Variants in GASK1A observed in about 807,000 individuals in gnomAD.
GASK1A encodes golgi associated kinase 1A.
Under a neutral mutation model 41.2 loss-of-function variants are expected in GASK1A, and 40 were observed. The ratio of observed to expected loss-of-function variants is 0.97; its 90% CI spans 0.75 to 1.27. The LOEUF is 1.27. Among genes scored for constraint, GASK1A ranks in the 50% most tolerant of loss-of-function variants. The probability of loss-of-function intolerance (pLI) is 0.00; values close to 1 mark genes in which losing one functional copy is unlikely to be tolerated. For missense variants in GASK1A, 678 were observed against 745.1 expected (o/e 0.91, Z 1.05); for synonymous variants, 316 against 307.1 (o/e 1.03, Z -0.30).
rs142037051 is a variant in GASK1A, at chr3:43,006,885, G to A, written c.4-25382G>A. On this transcript the variant is annotated intron_variant, in intron 1 of 4. Transcript: ENST00000430121. Reference sequence around the variant, plus strand: ...CAAGAAGCTGCATAAATTGAATTCAGGACCACTTGAATTTACCCACTGTCT... The same window carrying A: ...CAAGAAGCTGCATAAATTGAATTCAAGACCACTTGAATTTACCCACTGTCT... 5.0e-3 allele frequency among the ~76,000 whole-genome samples: 756 copies of A among 152,190 alleles called. 11 individuals are homozygous for A. The highest frequency in any genetic ancestry group is 0.017 in the African/African-American group (700 of 41,488).
At chr3:43,029,372 G>T (rs1399890289) in intron 1 of GASK1A, among the ~76,000 whole-genome samples, 1 of 152,148 alleles carries the variant, frequency 6.6e-6, no homozygotes, top group Non-Finnish European at 1.5e-5. Context: ...ACTGGGCAAT[G>T]GTGGTGTGTG....
chr3:43,003,853 TACCAGTAAA>T (rs2089421797), intron 1 of GASK1A, among the ~76,000 whole-genome samples: 1 of 152,256 alleles, frequency 6.6e-6, no homozygotes, highest in Non-Finnish European at 1.5e-5. Context: ...TCAGATTTTT[TACCAGTAAA>T]GGTGTATGAC....
At position 42,999,713 on chromosome 3, in the gene GASK1A, A is replaced by G. The variant is rs568567754; in HGVS notation, c.3+20068A>G. Among the ~76,000 whole-genome samples the G allele has an allele frequency of 4.6e-5, 7 of 152,332 alleles. No individual in the cohort carries two copies. The South Asian group carries it at 1.5e-3, about 32-fold the overall frequency. On this transcript the variant is annotated intron_variant, in intron 1 of 4. Transcript: ENST00000430121. ...GACGCACATCGAGTGGCTCAAAACA[A>G]CACAAATTTGTTCTCTATAGCTCTG...
chr3:43,053,676 C>T (rs1447576431), intron 3 of GASK1A, 33 bp downstream of exon 3: 1 of 1,551,368 alleles, frequency 6.4e-7, no homozygotes, highest in Admixed American at 2.0e-5. Flanking sequence ...CCTTGTCACC[C>T]CAGACCCAGG....
chr3:43,032,731 T>C lies in GASK1A; in HGVS notation c.468T>C (p.His156=), dbSNP rs1348653172. ...PGTKDLGHPQ[H]GSPIQETQSE... is the part of the protein sequence containing the mutation. ...CCAAAGACCTGGGCCACCCCCAGCA[T>C]GGCAGTCCCATCCAGGAGACACAGA... The change falls in exon 2 of 5, where the codon CAT becomes CAC. Residue 156 remains histidine (H), a synonymous_variant. Transcript: ENST00000430121. 1.3e-6 allele frequency: 2 copies of C among 1,551,474 alleles called. No individual in the cohort carries two copies. Among genetic ancestry groups the C allele is most frequent in the Middle Eastern group, 1.7e-4 (1 of 5,992 alleles).
chr3:43,053,780 AGTT>A, intron 3 of GASK1A, 137 bp downstream of exon 3: 1 of 1,020,186 alleles, frequency 9.8e-7, no homozygotes, highest in Non-Finnish European at 1.5e-6. Context: ...CAGCAGAACC[AGTT>A]GTTTGAATAT....
chr3:43,024,213 C>A (rs2089535281), intron 1 of GASK1A, among the ~76,000 whole-genome samples: 1 of 152,126 alleles, frequency 6.6e-6, no homozygotes, highest in South Asian at 2.1e-4. Flanking sequence ...TCTATATCAC[C>A]CATCTTCTTT....
intron 1 of GASK1A, among the ~76,000 whole-genome samples, chr3:42,998,185 G>A (rs749564926): frequency 2.0e-5 from 3 of 152,128 alleles, no homozygotes; most frequent in Non-Finnish European, 4.4e-5. Context: ...AGACGCAGCC[G>A]GGAGAACTCC....
chr3:43,008,900 C>T (rs2089449236), intron 1 of GASK1A, among the ~76,000 whole-genome samples: 1 of 152,170 alleles, frequency 6.6e-6, no homozygotes, highest in Admixed American at 6.5e-5. Flanking sequence ...GTTACCAGCC[C>T]ATCCACAGAT....
chr3:43,046,044 G>T (rs991843665), intron 2 of GASK1A, among the ~76,000 whole-genome samples: 1 of 152,154 alleles, frequency 6.6e-6, no homozygotes, highest in Non-Finnish European at 1.5e-5. Context: ...TATGAAAATG[G>T]ACTAATACAG....
intron 2 of GASK1A, chr3:43,037,050 T>C (rs578119): frequency 0.98 from 482,326 of 493,890 alleles, 236,395 homozygotes; most frequent in East Asian, 1. Context: ...TTCCAAGGTG[T>C]GAAAAATTAA....
intron 1 of GASK1A, among the ~76,000 whole-genome samples, chr3:43,005,842 T>A (rs889239305): frequency 6.6e-6 from 1 of 152,216 alleles, no homozygotes; most frequent in South Asian, 2.1e-4. Flanking sequence ...GTGTGATAAG[T>A]GCTTCATTAA....
intron 2 of GASK1A, among the ~76,000 whole-genome samples, chr3:43,047,400 C>T (rs1490134966): frequency 6.6e-6 from 1 of 152,194 alleles, no homozygotes; most frequent in Non-Finnish European, 1.5e-5. Flanking sequence ...TATTAGTAGC[C>T]TGAATGAGGA....
At chr3:42,985,580 T>TGG (rs2089304465) in intron 1 of GASK1A, among the ~76,000 whole-genome samples, 1 of 147,544 alleles carries the variant, frequency 6.8e-6, no homozygotes, top group Non-Finnish European at 1.5e-5. Context: ...TGTGTGTGTG[T>TGG]GTGTGTGGGC....
At chr3:43,010,490 C>T (rs2089458124) in intron 1 of GASK1A, among the ~76,000 whole-genome samples, 1 of 152,160 alleles carries the variant, frequency 6.6e-6, no homozygotes, top group African/African-American at 2.4e-5. Flanking sequence ...CTATCACTGT[C>T]CTTGAAAAAT....
chr3:43,027,442 C>T (rs533881337), intron 1 of GASK1A, among the ~76,000 whole-genome samples: 1 of 152,034 alleles, frequency 6.6e-6, no homozygotes, highest in Admixed American at 6.5e-5. Context: ...TTAATAATAG[C>T]AGAGAACTAA....
chr3:43,029,119 C>T (rs2089562141), intron 1 of GASK1A, among the ~76,000 whole-genome samples: 1 of 152,066 alleles, frequency 6.6e-6, no homozygotes, highest in Non-Finnish European at 1.5e-5. Flanking sequence ...CTTAAGTGGT[C>T]CCTCCAGCAG....
intron 3 of GASK1A, 119 bp downstream of exon 3, chr3:43,053,762 C>A: frequency 8.7e-7 from 1 of 1,146,524 alleles, no homozygotes; most frequent in Non-Finnish European, 1.3e-6. Flanking sequence ...CAGTCTTGTT[C>A]TTTTCAGCAG....
chr3:43,032,427 C>T lies in GASK1A; in HGVS notation c.164C>T (p.Ala55Val). The change falls in exon 2 of 5, where the codon GCC becomes GTC. Residue 55 changes from alanine (A) to valine (V), a missense_variant. Transcript: ENST00000430121. The part of the protein sequence containing the change: ...GPMEPQGVTG[A>V]PATHIRQALS... ...ATGGAGCCTCAGGGGGTAACTGGCG[C>T]CCCTGCAACCCATATCCGGCAGGCT... 1.3e-6 allele frequency: 2 copies of T among 1,551,044 alleles called. No individual in the cohort carries two copies. Among genetic ancestry groups the T allele is most frequent in the South Asian group, 1.2e-5 (1 of 84,030 alleles).
Sources: allele counts gnomAD v4.1 joint callset (sites outside exome capture counted in the v4.1 genomes callset), GRCh38; gene constraint gnomAD v4.1.1; transcripts MANE v1.5; gene names NCBI Gene and HGNC (gene_info 2026-07-23, HGNC 2026-07-21).